Variants in EP300 observed in about 807,000 individuals in gnomAD.
EP300 encodes EP300 lysine acetyltransferase.
Under a neutral mutation model 264.0 loss-of-function variants are expected in EP300, and 31 were observed. The ratio of observed to expected loss-of-function variants is 0.12; its 90% CI spans 0.09 to 0.16. The LOEUF (loss-of-function observed/expected upper bound fraction) is 0.16. Ranked by LOEUF, EP300 falls within the 10% of genes least tolerant of loss-of-function variation. EP300 has a pLI of 1.00. For missense variants in EP300, 2,766 were observed against 3,052.9 expected (o/e 0.91, Z 2.21); for synonymous variants, 1,340 against 1,045.4 (o/e 1.28, Z -5.44).
In EP300 at chr22:41,101,644, T is replaced by C. The variant is rs529795277; in HGVS notation, c.94+8546T>C. Among the ~76,000 whole-genome samples the C allele has an allele frequency of 9.2e-5, 14 of 151,878 alleles. No homozygotes were observed. In the East Asian group the frequency reaches 2.7e-3, roughly 30 times the overall value. On this transcript the variant is annotated intron_variant, in intron 1 of 30. Transcript: ENST00000263253. ...GGCAGGATGGTCTCGATCTGCTGAC[T>C]TCATAATCTACCCTTCTCGGCCTCC...
At chr22:41,095,548 A>ATTT (rs796399083) in intron 1 of EP300, among the ~76,000 whole-genome samples, 3 of 145,888 alleles carry the variant, frequency 2.1e-5, no homozygotes, top group Admixed American at 2.1e-4. Flanking sequence ...TATATCTTGA[A>ATTT]TTTTTTTTTT....
At position 41,157,241 on chromosome 22, in the gene EP300, CAGG is replaced by C; in HGVS notation, c.3337_3339del (p.Glu1113del). ...GAGGAAGTTAGACACTGGACAGTAT[CAGG>C]AGCCCTGGCAGTATGTCGATGATAT... On this transcript the variant is annotated inframe_deletion, in exon 18 of 31. Transcript: ENST00000263253. 6.2e-7 allele frequency: 1 copy of C among 1,614,164 alleles called. No homozygotes were observed. The highest frequency in any genetic ancestry group is 8.5e-7 in the Non-Finnish European group (1 of 1,180,020).
intron 30 of EP300, 103 bp downstream of exon 30, chr22:41,176,631 T>C: frequency 6.2e-7 from 1 of 1,607,492 alleles, no homozygotes; most frequent in East Asian, 2.2e-5. Context: ...GCTAGGGGCT[T>C]GGCCTCGTGT....
At chr22:41,093,361 C>CT (rs2058684858) in intron 1 of EP300, among the ~76,000 whole-genome samples, 1 of 152,198 alleles carries the variant, frequency 6.6e-6, no homozygotes, top group African/African-American at 2.4e-5. Flanking sequence ...TAGAAATGGC[C>CT]TGTATTGTTG....
At chr22:41,104,161 T>C (rs961898900) in intron 1 of EP300, among the ~76,000 whole-genome samples, 1 of 152,214 alleles carries the variant, frequency 6.6e-6, no homozygotes, top group African/African-American at 2.4e-5. Context: ...ATCTCAAGGT[T>C]TGCTCAAAAT....
chr22:41,179,876 C>CCACACACACA lies in EP300; in HGVS notation c.*923_*924insACACACACAC, dbSNP rs886057578. The CCACACACACA allele has an allele frequency of 1.6e-4, 21 of 131,406 alleles. 1 individual carries two copies. The highest frequency in any genetic ancestry group is 6.4e-4 in the African/African-American group (18 of 27,944). The allele number at this position is 131,406 out of a possible 1,614,324, so 8.1% of individuals were successfully genotyped here. ...GCTTTCTTCCTCCTTACCCTACCCC[C>CCACACACACA]CACTCACACACACACACACACACAC... On this transcript the variant is annotated 3_prime_UTR_variant, in exon 31 of 31. Coordinates refer to ENST00000263253, the MANE Select transcript of EP300 (RefSeq NM_001429.4).
At chr22:41,155,452 T>G (rs940724511) in intron 17 of EP300, among the ~76,000 whole-genome samples, 1 of 152,202 alleles carries the variant, frequency 6.6e-6, no homozygotes, top group African/African-American at 2.4e-5. Context: ...CAGGCTGGTC[T>G]TGAACGCCTG....
Position 41,127,537 on chromosome 22 carries a change from T to A in EP300, c.957T>A (p.Val319=), listed in dbSNP as rs774260550. 14 of 1,614,090 alleles carry A rather than the reference T, an allele frequency of 8.7e-6. No individual in the cohort carries two copies. The highest frequency in any genetic ancestry group is 1.0e-5 in the Non-Finnish European group (12 of 1,180,048). ...QVQQPGLVTP[V]AQGMGSGAHT... ...AGCAGCCAGGCCTGGTGACTCCAGT[T>A]GCCCAAGGGATGGGTTCTGGAGCAC... The change falls in exon 4 of 31, where the codon GTT becomes GTA. Residue 319 remains valine (V), a synonymous_variant. Coordinates refer to ENST00000263253, the MANE Select transcript of EP300 (RefSeq NM_001429.4).
chr22:41,126,088 A>G lies in EP300; in HGVS notation c.906+48A>G, dbSNP rs375052541. The G allele has an allele frequency of 1.0e-5, 16 of 1,588,824 alleles. 1 individual carries two copies. Among genetic ancestry groups the G allele is most frequent in the African/African-American group, 1.3e-5 (1 of 74,392 alleles). On this transcript the variant is annotated intron_variant, in intron 3 of 30. Transcript: ENST00000263253. ...CTTGTTTTCAAACTGGCATTTTGAC[A>G]AAAGAATTGTGTTAAACTTTCACCC...
Position 41,179,876 on chromosome 22 carries a change from C to CCCCACACACACA in EP300, c.*921_*922insCCACACACACAC, listed in dbSNP as rs1266790744. 1.5e-5 allele frequency: 2 copies of CCCCACACACACA among 131,172 alleles called. No homozygotes were observed. Among genetic ancestry groups the CCCCACACACACA allele is most frequent in the African/African-American group, 7.2e-5 (2 of 27,930 alleles). The allele number at this position is 131,172 out of a possible 1,614,324, so 8.1% of individuals were successfully genotyped here. ...GCTTTCTTCCTCCTTACCCTACCCCCCACTCACACACACACACACACACAC... is the reference window on the plus strand; with the variant it reads ...GCTTTCTTCCTCCTTACCCTACCCCCCCCACACACACACACTCACACACACACACACACACAC... On this transcript the variant is annotated 3_prime_UTR_variant, in exon 31 of 31. Coordinates refer to ENST00000263253, the MANE Select transcript of EP300 (RefSeq NM_001429.4).
rs193026103 is a variant in EP300, at chr22:41,147,945, C to G, written c.2240C>G (p.Pro747Arg). The G allele has an allele frequency of 6.3e-7, 1 of 1,597,970 alleles. No individual in the cohort carries two copies. Among genetic ancestry groups the G allele is most frequent in the Non-Finnish European group, 8.5e-7 (1 of 1,171,446 alleles). ...GQLAQPGALN[P>R]PMGYGPRMQQ... ...TTGGCTCAACCTGGAGCTCTCAACC[C>G]GGTTAGTTTGACGTCTTTGGTAATC... Residue 747 changes from proline (P) to arginine (R), a missense_variant and splice_region_variant, in exon 12 of 31, where the codon CCG (proline) becomes CGG (arginine). Physicochemically the swap from Pro to Arg is moderately radical, Grantham distance 103 (BLOSUM62 -2). Coordinates refer to ENST00000263253, the MANE Select transcript of EP300 (RefSeq NM_001429.4).
At chr22:41,152,491 C>A (rs2059052381) in intron 16 of EP300, 141 bp downstream of exon 16, 18 of 829,046 alleles carry the variant, frequency 2.2e-5, no homozygotes, top group Non-Finnish European at 2.8e-5. Context: ...CTGGTCTCTT[C>A]ATTGTTACTA....
At chr22:41,093,529 T>G (rs936144292) in intron 1 of EP300, among the ~76,000 whole-genome samples, 4 of 152,216 alleles carry the variant, frequency 2.6e-5, no homozygotes, top group African/African-American at 9.7e-5. Context: ...CTTCGAAATT[T>G]TCTCTCCTTT....
chr22:41,134,299 G>T (rs187120025), intron 6 of EP300, among the ~76,000 whole-genome samples: 1 of 151,556 alleles, frequency 6.6e-6, no homozygotes, highest in Non-Finnish European at 1.5e-5. Context: ...ACGTACGTGT[G>T]TGTTTGAGTT....
At chr22:41,114,410 C>T (rs1023443550) in intron 1 of EP300, among the ~76,000 whole-genome samples, 7 of 152,060 alleles carry the variant, frequency 4.6e-5, no homozygotes, top group African/African-American at 9.7e-5. Context: ...CTGCTGAGCT[C>T]GAGCCGTCTG....
In EP300 at chr22:41,178,491, T is replaced by C. The variant is rs770252012; in HGVS notation, c.6780T>C (p.Tyr2260=). 4 of 1,614,012 alleles carry C rather than the reference T, an allele frequency of 2.5e-6. No individual in the cohort carries two copies. In the South Asian group the frequency reaches 4.4e-5, roughly 18 times the overall value. Residue 2260 remains tyrosine (Y), a synonymous_variant, in exon 31 of 31, where the codon TAT becomes TAC. Transcript: ENST00000263253. ...AGGCAGGTGCCAGTCTACAGGCCTA[T>C]CAGCAGCGACTCCTTCAGCAACAGA... is the stretch of plus-strand genomic sequence containing the variant. ...GAEAGASLQA[Y]QQRLLQQQMG...
chr22:41,113,541 TTTATTTA>T (rs1186782706), intron 1 of EP300, among the ~76,000 whole-genome samples: 2 of 152,172 alleles, frequency 1.3e-5, no homozygotes, highest in Non-Finnish European at 2.9e-5. Context: ...AATTTGTAAC[TTTATTTA>T]TTATTATTAT....
chr22:41,162,365 T>C (rs189192572), intron 20 of EP300, among the ~76,000 whole-genome samples: 2 of 152,150 alleles, frequency 1.3e-5, no homozygotes, highest in African/African-American at 4.8e-5. Flanking sequence ...TGTTAGCTTT[T>C]GTATGTAGTG....
In EP300 at chr22:41,092,991, C is replaced by G. The variant is rs1267208767; in HGVS notation, c.-14C>G. 3.1e-6 allele frequency: 5 copies of G among 1,613,964 alleles called. No individual in the cohort carries two copies. The highest frequency in any genetic ancestry group is 1.7e-4 in the Middle Eastern group (1 of 6,034). ...TTCTGGTTTTCCTCGCTTGTATCTC[C>G]GAAAGAATTAAAAATGGCCGAGAAT... On this transcript the variant is annotated 5_prime_UTR_variant, in exon 1 of 31. Coordinates refer to ENST00000263253, the MANE Select transcript of EP300 (RefSeq NM_001429.4).
Sources: gnomAD v4.1 joint callset for allele counts (sites outside exome capture counted in the v4.1 genomes callset) on GRCh38, gnomAD v4.1.1 for gene constraint, MANE v1.5 for transcripts, NCBI Gene and HGNC (gene_info 2026-07-23, HGNC 2026-07-21) for gene names.